The following FMN1 variants were observed in gnomAD, a reference collection of about 807,000 sequenced individuals.
The protein encoded by FMN1 is formin 1, also known as formin-1.
FMN1 carries 110 observed loss-of-function variants against 132.4 expected under a neutral mutation model. The ratio of observed to expected loss-of-function variants is 0.83; its 90% CI spans 0.71 to 0.97. FMN1 has a LOEUF of 0.97. FMN1 is among the 50% of genes least tolerant of loss of function. The probability of loss-of-function intolerance (pLI) is 0.00; values close to 1 mark genes in which losing one functional copy is unlikely to be tolerated. For missense variants in FMN1, 1,792 were observed against 1,705.3 expected (o/e 1.05, Z -0.90); for synonymous variants, 722 against 651.7 (o/e 1.11, Z -1.64).
chr15:32,989,119 T>G (rs550160097), intron 7 of FMN1, among the ~76,000 whole-genome samples: 1 of 146,356 alleles, frequency 6.8e-6, no homozygotes, highest in Non-Finnish European at 1.5e-5. Flanking sequence ...ATCACTTTGG[T>G]TTACATCCAG....
rs2056176704 is a variant in FMN1, at chr15:32,770,038, G to A, written c.*4272C>T. ...AATCAGATATTTAATATTTGGATCA[G>A]ATATGTGGGAGGGGGGAAGGCTATA... is the stretch of plus-strand genomic sequence containing the variant. On this transcript the variant is annotated 3_prime_UTR_variant, in exon 21 of 21. Coordinates refer to ENST00000616417, the MANE Select transcript of FMN1 (RefSeq NM_001277313.2). The A allele has an allele frequency of 2.0e-5, 3 of 152,190 alleles. No individual in the cohort carries two copies. The highest frequency in any genetic ancestry group is 6.5e-5 in the Admixed American group (1 of 15,278). 9.4% of individuals were successfully genotyped at this position (152,190 alleles called of 1,614,324 possible).
At chr15:33,053,797 AGCTGAG>A (rs2037090582) in intron 6 of FMN1, among the ~76,000 whole-genome samples, 1 of 152,202 alleles carries the variant, frequency 6.6e-6, no homozygotes, top group Non-Finnish European at 1.5e-5. Flanking sequence ...GCCCCTGTGG[AGCTGAG>A]GCATGCTACT....
At chr15:33,067,317 T>G (rs372116657) in intron 5 of FMN1, 1 of 1,613,958 alleles carries the variant, frequency 6.2e-7, no homozygotes, top group East Asian at 2.2e-5. Flanking sequence ...GTGACAGTAT[T>G]TTCCCTGAAA....
At chr15:32,955,830 T>TGCGC (rs1438907097) in intron 9 of FMN1, among the ~76,000 whole-genome samples, 2 of 151,700 alleles carry the variant, frequency 1.3e-5, no homozygotes, top group African/African-American at 2.4e-5. Flanking sequence ...TGTGTGTGCG[T>TGCGC]GCGCGCACGT....
chr15:33,047,305 G>T (rs2036733979), intron 6 of FMN1, among the ~76,000 whole-genome samples: 1 of 152,152 alleles, frequency 6.6e-6, no homozygotes, highest in Admixed American at 6.5e-5. Context: ...TCATAGACTT[G>T]TGGTTAAGTC....
chr15:33,145,835 T>A (rs1964195073), intron 4 of FMN1, among the ~76,000 whole-genome samples: 2 of 152,018 alleles, frequency 1.3e-5, no homozygotes, highest in African/African-American at 4.8e-5. Context: ...AACCAACAGC[T>A]TTACTCAGTC....
intron 9 of FMN1, among the ~76,000 whole-genome samples, chr15:32,956,372 T>TTTA (rs777952851): frequency 8.6e-5 from 13 of 150,914 alleles, no homozygotes; most frequent in Admixed American, 2.6e-4. Flanking sequence ...TTTTTTTTTT[T>TTTA]AAAAAAATAA....
At position 33,155,017 on chromosome 15, in the gene FMN1, C is replaced by CTGGAGA; in HGVS notation, c.-104_-103insTCTCCA. ...GATGGTGGCTATGCAGAGAAAGCAG[C>CTGGAGA]TGACAGTCATCTCCAGCAATGAGAC... On this transcript the variant is annotated 5_prime_UTR_variant, in exon 4 of 21. Coordinates refer to ENST00000616417, the MANE Select transcript of FMN1 (RefSeq NM_001277313.2). The CTGGAGA allele has an allele frequency of 1.1e-6, 1 of 893,900 alleles. No homozygotes were observed. The highest frequency in any genetic ancestry group is 1.7e-5 in the African/African-American group (1 of 59,384). The allele number at this position is 893,900 out of a possible 1,614,324, so 55.4% of individuals were successfully genotyped here.
At chr15:32,943,950 C>T (rs1240393469) in intron 9 of FMN1, among the ~76,000 whole-genome samples, 1 of 152,068 alleles carries the variant, frequency 6.6e-6, no homozygotes, top group Non-Finnish European at 1.5e-5. Flanking sequence ...GGATACAGGC[C>T]TTATGCACAG....
intron 5 of FMN1, among the ~76,000 whole-genome samples, chr15:33,073,652 G>A (rs1050289010): frequency 2.0e-5 from 3 of 151,780 alleles, no homozygotes; most frequent in Admixed American, 6.6e-5. Context: ...AGGAGTACAA[G>A]ATTATGGAAT....
intron 9 of FMN1, among the ~76,000 whole-genome samples, chr15:32,933,159 T>C (rs78774922): frequency 0.014 from 2,083 of 152,284 alleles, 47 homozygotes; most frequent in African/African-American, 0.048. Context: ...ATCCCATATG[T>C]TTTGGTATGT....
intron 9 of FMN1, among the ~76,000 whole-genome samples, chr15:32,942,841 T>C (rs1405190851): frequency 2.0e-5 from 3 of 152,206 alleles, no homozygotes; most frequent in African/African-American, 7.2e-5. Flanking sequence ...CTGCTGGCAC[T>C]TCAGGGAACT....
chr15:33,095,956 C>G (rs1354967377), intron 4 of FMN1, among the ~76,000 whole-genome samples: 1 of 150,826 alleles, frequency 6.6e-6, no homozygotes, highest in Non-Finnish European at 1.5e-5. Flanking sequence ...AAGAAATGAT[C>G]CTAGCAAACT....
At chr15:32,815,094 C>T (rs1352325786) in intron 17 of FMN1, among the ~76,000 whole-genome samples, 2 of 152,112 alleles carry the variant, frequency 1.3e-5, no homozygotes, top group African/African-American at 4.8e-5. Context: ...AGGTGCCCGC[C>T]ACCACGCCCG....
chr15:33,022,994 C>T (rs938260416), intron 6 of FMN1, among the ~76,000 whole-genome samples: 1 of 143,434 alleles, frequency 7.0e-6, no homozygotes, highest in Admixed American at 7.5e-5. Context: ...TGGAAGTGAG[C>T]TATGATCGCA....
At chr15:32,928,998 C>T (rs1176874556) in intron 9 of FMN1, among the ~76,000 whole-genome samples, 1 of 152,190 alleles carries the variant, frequency 6.6e-6, no homozygotes, top group East Asian at 1.9e-4. Flanking sequence ...CATTATACAA[C>T]CAGACTTAAC....
intron 7 of FMN1, among the ~76,000 whole-genome samples, chr15:33,002,701 A>G (rs1005744743): frequency 6.6e-6 from 1 of 152,188 alleles, no homozygotes; most frequent in African/African-American, 2.4e-5. Context: ...AGCTTCTCCA[A>G]GTTTTAAAGC....
intron 15 of FMN1, among the ~76,000 whole-genome samples, chr15:32,895,658 C>T (rs1298151140): frequency 6.6e-6 from 1 of 152,008 alleles, no homozygotes; most frequent in Non-Finnish European, 1.5e-5. Context: ...TTCTATATAT[C>T]TAGTTGGCAA....
At position 32,947,925 on chromosome 15, in the gene FMN1, C is replaced by G. The variant is rs147417629; in HGVS notation, c.3138+16182G>C. Among the ~76,000 whole-genome samples the G allele has an allele frequency of 2.9e-3, 445 of 152,038 alleles. 2 individuals carry two copies. The highest frequency in any genetic ancestry group is 9.5e-3 in the African/African-American group (396 of 41,534). On this transcript the variant is annotated intron_variant, in intron 9 of 20. Transcript: ENST00000616417. ...AATTCATCGTTTCATTTCTTCCTTT[C>G]CAATATATTTTATTTGATTTCTTTG...
Sources: allele counts gnomAD v4.1 joint callset (sites outside exome capture counted in the v4.1 genomes callset), GRCh38; gene constraint gnomAD v4.1.1; transcripts MANE v1.5; gene names NCBI Gene and HGNC (gene_info 2026-07-23, HGNC 2026-07-21).